Variants in MYH8 observed in about 807,000 individuals in gnomAD.
MYH8 encodes myosin heavy chain 8, also known as myosin-8.
In MYH8, 168 loss-of-function variants were observed where a neutral mutation model predicts 233.2. The ratio of observed to expected loss-of-function variants is 0.72; its 90% CI spans 0.64 to 0.82. The LOEUF (loss-of-function observed/expected upper bound fraction) is 0.82, where lower values mean the gene tolerates loss of function less well. MYH8 is among the 40% of genes least tolerant of loss of function. MYH8 has a pLI of 0.00. For missense variants in MYH8, 1,995 were observed against 2,327.8 expected (o/e 0.86, Z 2.94); for synonymous variants, 785 against 850.6 (o/e 0.92, Z 1.34).
chr17:10,392,969 T>C lies in MYH8; in HGVS notation c.5325A>G (p.Glu1775=), dbSNP rs367712075. The change falls in exon 37 of 40, where the codon GAA becomes GAG. Residue 1775 remains glutamate (E), a synonymous_variant. Transcript: ENST00000403437. ...AAMMAEELKK[E]QDTSAHLERM... is the part of the protein sequence containing the mutation. ...GCTCCAGGTGGGCGCTGGTGTCCTGTTCCTTCTTCAGCTCCTCAGCCATCA... is the reference window on the plus strand; with the variant it reads ...GCTCCAGGTGGGCGCTGGTGTCCTGCTCCTTCTTCAGCTCCTCAGCCATCA... 3.7e-6 allele frequency: 6 copies of C among 1,614,092 alleles called. No individual in the cohort carries two copies. The African/African-American group carries it at 4.0e-5, about 11-fold the overall frequency.
rs374112568 is a variant in MYH8 at position 10,404,640 on chromosome 17, GTTAC to G, written c.2433-59_2433-56del. 1.9e-5 allele frequency: 31 copies of G among 1,604,620 alleles called. 1 individual carries two copies. Among genetic ancestry groups the G allele is most frequent in the Middle Eastern group, 3.3e-4 (2 of 6,042 alleles). On this transcript the variant is annotated intron_variant, in intron 21 of 39. Coordinates refer to ENST00000403437, the MANE Select transcript of MYH8 (RefSeq NM_002472.3). ...CTAATCCATCAGAGCCAATGTTATTGTTACTTATCACACACAAATTTCCCTTTTA... is the reference window on the plus strand; with the variant it reads ...CTAATCCATCAGAGCCAATGTTATTGTTATCACACACAAATTTCCCTTTTA...
rs1302629126 is a variant in MYH8 at position 10,400,281 on chromosome 17, A to G, written c.3735+109T>C. The G allele has an allele frequency of 7.3e-7, 1 of 1,364,730 alleles. No homozygotes were observed. The allele number at this position is 1,364,730 out of a possible 1,614,324, so 84.5% of individuals were successfully genotyped here. ...ACCATAGAATGGGATATATTTGGTT[A>G]GAAAATATTTGAGTAGTGCTGTAAA... is the stretch of plus-strand genomic sequence containing the variant. On this transcript the variant is annotated intron_variant, in intron 27 of 39. Coordinates refer to ENST00000403437, the MANE Select transcript of MYH8 (RefSeq NM_002472.3). This position sits in a 1 kb window ranked among gnomAD's most constrained non-coding sequence, Gnocchi z 4.0.
chr17:10,391,012 T>C (rs1253961937), intron 39 of MYH8, among the ~76,000 whole-genome samples: 1 of 152,256 alleles, frequency 6.6e-6, no homozygotes, highest in African/African-American at 2.4e-5. Context: ...GTTAATTGAC[T>C]CATTGCCATT....
intron 28 of MYH8, 80 bp from the exon 29 acceptor site, chr17:10,398,966 GTA>G (rs1040631938): frequency 6.7e-5 from 48 of 712,338 alleles, no homozygotes; most frequent in Non-Finnish European, 8.0e-5. Context: ...ATGTGTGTGT[GTA>G]TATATATATG....
Position 10,399,249 on chromosome 17 carries a change from C to CTG in MYH8, c.3862+292_3862+293dup, listed in dbSNP as rs59619326. Among the ~76,000 whole-genome samples the CTG allele has an allele frequency of 4.4e-3, 658 of 149,594 alleles. 4 individuals are homozygous for CTG. The highest frequency in any genetic ancestry group is 0.013 in the African/African-American group (539 of 40,704). ...GATTTTCAGATTAGGGATACTCAAC[C>CTG]TGTGTGTGTGTGTGTGTGTCTGTTT... On this transcript the variant is annotated intron_variant, in intron 28 of 39. Transcript: ENST00000403437.
In MYH8 at chr17:10,404,386, C is replaced by G; in HGVS notation, c.2632G>C (p.Glu878Gln). The change falls in exon 22 of 40, where the codon GAA becomes CAA. Residue 878 changes from glutamate to glutamine, a missense_variant. Physicochemically the swap from Glu to Gln is conservative, Grantham distance 29. Around this residue, in one of 3 missense-constraint regions of MYH8, gnomAD observed 1,498 missense variants for 1,680.9 expected, o/e 0.89. Transcript: ENST00000403437. ...KSEAKRKELE[E>Q]KMVTLLKEKN... Reference sequence around the variant, plus strand: ...TCTTTTAAGAGAGTGACCATTTTTTCCTCTAGCTCCTTCCGTTTTGCCTCT... The same window carrying G: ...TCTTTTAAGAGAGTGACCATTTTTTGCTCTAGCTCCTTCCGTTTTGCCTCT... 1 of 1,613,428 alleles carries G rather than the reference C, an allele frequency of 6.2e-7. No individual in the cohort carries two copies. The highest frequency in any genetic ancestry group is 1.7e-4 in the Middle Eastern group (1 of 6,054).
At position 10,401,427 on chromosome 17, in the gene MYH8, C is replaced by T. The variant is rs1406305642; in HGVS notation, c.2956G>A (p.Ala986Thr). The change falls in exon 24 of 40, where the codon GCA (alanine) becomes ACA (threonine). Residue 986 changes from alanine (A) to threonine (T), a missense_variant. Transcript: ENST00000403437. ...NKVKNLTEEMAGLDETIAKLS... is the reference protein window; with the variant it reads ...NKVKNLTEEMTGLDETIAKLS... Reference sequence around the variant, plus strand: ...TTTGCAATGGTTTCATCCAGGCCTGCCATCTCTTCTGTAAGATTTTTCACC... The same window carrying T: ...TTTGCAATGGTTTCATCCAGGCCTGTCATCTCTTCTGTAAGATTTTTCACC... The T allele has an allele frequency of 6.2e-7, 1 of 1,613,834 alleles. No individual in the cohort carries two copies. The highest frequency in any genetic ancestry group is 1.3e-5 in the African/African-American group (1 of 74,824).
chr17:10,419,642 TTTCA>T lies in MYH8; in HGVS notation c.210+372_210+375del, dbSNP rs1214390030. 6.6e-6 allele frequency among the ~76,000 whole-genome samples: 1 copy of T among 152,198 alleles called. No individual in the cohort carries two copies. Among genetic ancestry groups the T allele is most frequent in the Non-Finnish European group, 1.5e-5 (1 of 68,032 alleles). ...AGTAGGCTAAATTTTTATTTTTTTC[TTTCA>T]TTCATTAAGAAACTTCATGTTTTTG... is the stretch of plus-strand genomic sequence containing the variant. On this transcript the variant is annotated intron_variant, in intron 3 of 39. Transcript: ENST00000403437. This position sits in a 1 kb window ranked among gnomAD's most constrained non-coding sequence, Gnocchi z 4.0.
intron 4 of MYH8, 30 bp from the exon 5 acceptor site, chr17:10,418,831 A>T: frequency 3.7e-6 from 6 of 1,613,696 alleles, no homozygotes; most frequent in South Asian, 1.1e-5. Context: ...TATCATTTGG[A>T]TCTCGTTTTT....
Position 10,401,158 on chromosome 17 carries a change from G to A in MYH8, c.3142C>T (p.Arg1048Ter), listed in dbSNP as rs977910326. The A allele has an allele frequency of 3.1e-6, 5 of 1,613,556 alleles. No homozygotes were observed. The highest frequency in any genetic ancestry group is 3.3e-5 in the Admixed American group (2 of 59,954). Reference sequence around the variant, plus strand: ...CGCTTTGCTCTTTCTAGATCCATTCGAAGCTTCTTTTCTTGTTCCAGAGAC... The same window carrying A: ...CGCTTTGCTCTTTCTAGATCCATTCAAAGCTTCTTTTCTTGTTCCAGAGAC... The part of the protein sequence containing the change: ...EGSLEQEKKL[R>*]MDLERAKRKL... Residue 1048 changes from arginine to a stop codon, truncating the protein, a stop_gained, in exon 25 of 40, where the codon CGA becomes TGA. Coordinates refer to ENST00000403437, the MANE Select transcript of MYH8 (RefSeq NM_002472.3). LOFTEE classifies it high-confidence loss of function.
chr17:10,390,924 GA>G (rs2072015932), intron 39 of MYH8, among the ~76,000 whole-genome samples: 1 of 152,156 alleles, frequency 6.6e-6, no homozygotes, highest in Non-Finnish European at 1.5e-5. Context: ...TATAATTGGG[GA>G]AATACCACTT....
chr17:10,419,500 A>G lies in MYH8; in HGVS notation c.211-470T>C, dbSNP rs545477345. 6.6e-6 allele frequency among the ~76,000 whole-genome samples: 1 copy of G among 152,194 alleles called. No individual in the cohort carries two copies. The highest frequency in any genetic ancestry group is 1.5e-5 in the Non-Finnish European group (1 of 68,040). ...ATGAAATATATTCATTTCAGAGTTT[A>G]ATGTTAAGAAAACCTGTTTCCTATG... On this transcript the variant is annotated intron_variant, in intron 3 of 39. Coordinates refer to ENST00000403437, the MANE Select transcript of MYH8 (RefSeq NM_002472.3). This position sits in a 1 kb window ranked among gnomAD's most constrained non-coding sequence, Gnocchi z 4.0.
intron 1 of MYH8, 36 bp from the exon 2 acceptor site, chr17:10,421,742 G>A (rs1000945655): frequency 5.3e-5 from 8 of 152,138 alleles, no homozygotes; most frequent in African/African-American, 9.7e-5. Context: ...GTGATGCTCC[G>A]AAATTCCAAT....
At chr17:10,408,997 T>G (rs2072219586) in intron 17 of MYH8, 100 bp downstream of exon 17, 1 of 1,085,704 alleles carries the variant, frequency 9.2e-7, no homozygotes. Flanking sequence ...TTTGAAGTGA[T>G]TCCTATTAAC....
Position 10,404,483 on chromosome 17 carries a change from A to G in MYH8, c.2535T>C (p.Ser845=), listed in dbSNP as rs2072171613. Residue 845 remains serine (S), a synonymous_variant, in exon 22 of 40, where the codon AGT becomes AGC. Transcript: ENST00000403437. The part of the protein sequence containing the change: ...LFFKIKPLLK[S]AETEKEMATM... ...TGGCCATCTCTTTCTCGGTCTCTGC[A>G]CTCTTGAGGAGGGGCTTAATCTTGA... The G allele has an allele frequency of 1.2e-6, 2 of 1,613,612 alleles. No homozygotes were observed. Among genetic ancestry groups the G allele is most frequent in the Non-Finnish European group, 1.7e-6 (2 of 1,179,874 alleles).
In MYH8 at chr17:10,415,259, C is replaced by G; in HGVS notation, c.741+33G>C. On this transcript the variant is annotated intron_variant, in intron 8 of 39. Coordinates refer to ENST00000403437, the MANE Select transcript of MYH8 (RefSeq NM_002472.3). The surrounding 1 kb of genome is among the most constrained non-coding windows in gnomAD (Gnocchi z 4.1). ...AAATAATAATTCAGACGTGGCTACTCTGGAAGTTAGGGGTTGAGACCAAGA... is the reference window on the plus strand; with the variant it reads ...AAATAATAATTCAGACGTGGCTACTGTGGAAGTTAGGGGTTGAGACCAAGA... The G allele has an allele frequency of 6.2e-7, 1 of 1,607,992 alleles. No individual in the cohort carries two copies. Among genetic ancestry groups the G allele is most frequent in the Non-Finnish European group, 8.5e-7 (1 of 1,174,432 alleles).
At chr17:10,405,957 C>A in intron 21 of MYH8, 84 bp downstream of exon 21, 1 of 1,541,120 alleles carries the variant, frequency 6.5e-7, no homozygotes, top group Non-Finnish European at 8.9e-7. Flanking sequence ...TATTAGCCAC[C>A]AAATGAAAGA....
chr17:10,420,118 T>G lies in MYH8; in HGVS notation c.110A>C (p.Lys37Thr), dbSNP rs536891720. ...GGGCTCCGCCACAAAGACAGATGTT[T>G]TAGCATCAAACGGCTTGTTTTGGGC... is the stretch of plus-strand genomic sequence containing the variant. ...IEAQNKPFDA[K>T]TSVFVAEPKE... The change falls in exon 3 of 40, where the codon AAA (lysine) becomes ACA (threonine). Residue 37 changes from lysine to threonine, a missense_variant. Coordinates refer to ENST00000403437, the MANE Select transcript of MYH8 (RefSeq NM_002472.3). The G allele has an allele frequency of 1.2e-6, 2 of 1,614,270 alleles. 1 individual carries two copies. Among genetic ancestry groups the G allele is most frequent in the South Asian group, 2.2e-5 (2 of 91,086 alleles).
At position 10,406,624 on chromosome 17, in the gene MYH8, C is replaced by T. The variant is rs891242784; in HGVS notation, c.2171+66G>A. The stretch of plus-strand genomic sequence containing the variant: ...CCTACCACCACAAGACTATATTATT[C>T]GACTTCTTAATTTTTTAATACATAC... On this transcript the variant is annotated intron_variant, in intron 19 of 39. Transcript: ENST00000403437. 139 of 1,459,272 alleles carry T rather than the reference C, an allele frequency of 9.5e-5. 1 individual carries two copies. The highest frequency in any genetic ancestry group is 4.5e-5 in the East Asian group (2 of 44,214). 90.4% of individuals were successfully genotyped at this position (1,459,272 alleles called of 1,614,324 possible).
Sources: allele counts gnomAD v4.1 joint callset (sites outside exome capture counted in the v4.1 genomes callset), GRCh38; gene constraint gnomAD v4.1.1; regional missense constraint gnomAD v4.1.1; non-coding constraint Gnocchi (gnomAD v3.1); transcripts MANE v1.5; gene names NCBI Gene and HGNC (gene_info 2026-07-23, HGNC 2026-07-21).